ZFP1: variants seen among roughly 807,000 people sequenced by gnomAD.
The protein encoded by ZFP1 is zinc finger protein 1 homolog.
A neutral mutation model predicts 38.5 loss-of-function variants in ZFP1; 32 were observed. That is an observed-to-expected ratio of 0.83 (90% CI 0.63 to 1.12). The LOEUF is 1.12. Among genes scored for constraint, ZFP1 ranks in the 50% most tolerant of loss-of-function variants. The pLI, the probability that ZFP1 is intolerant of heterozygous loss-of-function variation, is 0.00. For missense variants in ZFP1, 616 were observed against 480.8 expected, an observed-to-expected ratio of 1.28 and a Z score of -2.63; for synonymous variants, 245 against 168.8, an observed-to-expected ratio of 1.45 and a Z score of -3.50.
intron 2 of ZFP1, among the ~76,000 whole-genome samples, chr16:75,157,918 A>G (rs1328655676): frequency 1.3e-5 from 2 of 151,798 alleles, no homozygotes. Flanking sequence ...AGTATTTGGA[A>G]CTACAGGCGT....
intron 2 of ZFP1, among the ~76,000 whole-genome samples, chr16:75,165,005 A>G (rs891590187): frequency 1.1e-4 from 16 of 152,056 alleles, no homozygotes; most frequent in African/African-American, 3.6e-4. Flanking sequence ...GGGTTTCTCC[A>G]TTTTGGTCAG....
chr16:75,153,079 G>C, intron 2 of ZFP1, 113 bp downstream of exon 2: 1 of 1,395,402 alleles, frequency 7.2e-7, no homozygotes, highest in Non-Finnish European at 9.8e-7. Context: ...AACATAGCAA[G>C]AATAACTAAT....
chr16:75,126,385 T>C, the ZFP1 span: 1 of 151,962 alleles, frequency 6.6e-6, no homozygotes, highest in Non-Finnish European at 1.5e-5. Flanking sequence ...CTTGACCTCA[T>C]GATCTGCCCA....
the ZFP1 span, among the ~76,000 whole-genome samples, chr16:75,129,758 A>G: frequency 4.6e-5 from 7 of 152,190 alleles, no homozygotes; most frequent in African/African-American, 1.7e-4. Context: ...TGTCATGGGC[A>G]TGTGTCCTCA....
chr16:75,164,715 T>G (rs998342547), intron 2 of ZFP1, among the ~76,000 whole-genome samples: 2 of 152,180 alleles, frequency 1.3e-5, no homozygotes, highest in African/African-American at 2.4e-5. Context: ...GGTTTTTAAT[T>G]TTAATGGTTG....
chr16:75,170,339 C>G lies in ZFP1; in HGVS notation c.*5C>G, dbSNP rs975440406. On this transcript the variant is annotated 3_prime_UTR_variant, in exon 4 of 4. Transcript: ENST00000570010. ...CACATCGGGGAGAAACCCTGAAACT[C>G]CAGCCAGGTCTTACTGTGGAAAACT... is the stretch of plus-strand genomic sequence containing the variant. The G allele has an allele frequency of 5.8e-6, 9 of 1,559,848 alleles. No homozygotes were observed. The Admixed American group carries it at 7.6e-5, about 13-fold the overall frequency.
chr16:75,168,145 G>A (rs895000227), intron 3 of ZFP1, among the ~76,000 whole-genome samples: 1 of 152,154 alleles, frequency 6.6e-6, no homozygotes. Flanking sequence ...GCATGAGCCA[G>A]TGTGCCTGGC....
At chr16:75,135,209 C>CAAAAAAAAAAA in the ZFP1 span, among the ~76,000 whole-genome samples, 1,756 of 14,940 alleles carry the variant, frequency 0.12, 709 homozygotes, top group Non-Finnish European at 0.15. Flanking sequence ...GACCTTATCT[C>CAAAAAAAAAAA]AAAAAAAAAA....
At chr16:75,167,482 G>T (rs1319112184) in intron 3 of ZFP1, among the ~76,000 whole-genome samples, 6 of 150,798 alleles carry the variant, frequency 4.0e-5, no homozygotes, top group Admixed American at 2.0e-4. Flanking sequence ...AAACTTTGTT[G>T]TGTCTTGTAC....
chr16:75,126,808 G>GT, the ZFP1 span, among the ~76,000 whole-genome samples: 101 of 152,264 alleles, frequency 6.6e-4, no homozygotes, highest in African/African-American at 2.3e-3. Flanking sequence ...TATAAATTAT[G>GT]TTTTTTTCTG....
intron 3 of ZFP1, among the ~76,000 whole-genome samples, chr16:75,167,577 C>G (rs2038165450): frequency 6.6e-6 from 1 of 152,210 alleles, no homozygotes; most frequent in South Asian, 2.1e-4. Context: ...CTGTGATGAA[C>G]CTATGAGTGG....
intron 2 of ZFP1, among the ~76,000 whole-genome samples, chr16:75,162,046 A>G (rs2145552469): frequency 6.6e-6 from 1 of 151,358 alleles, no homozygotes; most frequent in East Asian, 1.9e-4. Context: ...CGGCCTCCCA[A>G]AGTGCTGGGA....
At chr16:75,130,897 C>T in the ZFP1 span, among the ~76,000 whole-genome samples, 1 of 151,962 alleles carries the variant, frequency 6.6e-6, no homozygotes, top group South Asian at 2.1e-4. Flanking sequence ...TCCTGTGGCC[C>T]CTCAAACAAA....
intron 2 of ZFP1, among the ~76,000 whole-genome samples, chr16:75,158,000 C>A (rs1446434766): frequency 1.3e-5 from 2 of 151,886 alleles, no homozygotes; most frequent in Non-Finnish European, 2.9e-5. Context: ...GTTGCCCAGG[C>A]TGGTCTCAAA....
intron 2 of ZFP1, among the ~76,000 whole-genome samples, chr16:75,164,217 G>A (rs2037937749): frequency 6.6e-6 from 1 of 152,132 alleles, no homozygotes; most frequent in Non-Finnish European, 1.5e-5. Flanking sequence ...AAAATTATAT[G>A]TAGGTTTTTA....
At chr16:75,119,570 A>G in the ZFP1 span, 1 of 152,108 alleles carries the variant, frequency 6.6e-6, no homozygotes, top group African/African-American at 2.4e-5. Flanking sequence ...TTCAGCCTGA[A>G]ACCCATCCCT....
the ZFP1 span, among the ~76,000 whole-genome samples, chr16:75,121,933 A>T: frequency 2.0e-5 from 3 of 152,218 alleles, no homozygotes; most frequent in African/African-American, 7.2e-5. Context: ...TTTCATACTT[A>T]TCCCTGCCAA....
intron 1 of ZFP1, chr16:75,148,887 C>T (rs528939795): frequency 6.6e-6 from 1 of 152,174 alleles, no homozygotes; most frequent in South Asian, 2.1e-4. Flanking sequence ...GCTTCGCCTT[C>T]TTCTCTTTGT....
intron 1 of ZFP1, among the ~76,000 whole-genome samples, chr16:75,149,951 A>ATTTTTTTATTTTT (rs2037104270): frequency 1.3e-5 from 2 of 151,422 alleles, no homozygotes; most frequent in African/African-American, 2.4e-5. Flanking sequence ...CACCTGGCTG[A>ATTTTTTTATTTTT]TTTTTGTATT....
Sources: gnomAD v4.1 joint callset for allele counts (sites outside exome capture counted in the v4.1 genomes callset) on GRCh38, gnomAD v4.1.1 for gene constraint, MANE v1.5 for transcripts, NCBI Gene and HGNC (gene_info 2026-07-23, HGNC 2026-07-21) for gene names.